STK32A: variants seen among roughly 807,000 people sequenced by gnomAD.
STK32A encodes serine/threonine-protein kinase 32A.
In STK32A, 41 loss-of-function variants were observed where a neutral mutation model predicts 53.2. The observed-to-expected ratio is 0.77, with a 90% CI of 0.60 to 1.00. The LOEUF (loss-of-function observed/expected upper bound fraction) is 1.00. Among genes scored for constraint, STK32A ranks in the 50% least tolerant of loss-of-function variants. STK32A has a pLI of 0.00. For synonymous variants in STK32A, 166 were observed against 162.8 expected, an observed-to-expected ratio of 1.02 and a Z score of -0.15; for missense variants, 458 against 485.8, an observed-to-expected ratio of 0.94 and a Z score of 0.54.
At chr5:147,333,663 C>G (rs892701602) in intron 5 of STK32A, among the ~76,000 whole-genome samples, 5 of 152,288 alleles carry the variant, frequency 3.3e-5, no homozygotes, top group Non-Finnish European at 7.4e-5. Flanking sequence ...TCAATAAATT[C>G]TAGCTACTCA....
At chr5:147,324,268 G>A (rs916098721) in intron 5 of STK32A, among the ~76,000 whole-genome samples, 197 bp downstream of exon 5, 1 of 152,110 alleles carries the variant, frequency 6.6e-6, no homozygotes, top group African/African-American at 2.4e-5. Flanking sequence ...TTTGCCAAAG[G>A]TCACAGTAAA....
chr5:147,348,604 T>G (rs558756278), intron 6 of STK32A: 897 of 717,802 alleles, frequency 1.2e-3, no homozygotes, highest in Non-Finnish European at 2.1e-3. Flanking sequence ...TGTAGCTGAG[T>G]CAGCTTGGAA....
intron 1 of STK32A, among the ~76,000 whole-genome samples, chr5:147,238,338 G>T (rs964926771): frequency 3.9e-5 from 6 of 152,124 alleles, no homozygotes; most frequent in African/African-American, 1.4e-4. Flanking sequence ...TCACTCATTT[G>T]CATCATCTGC....
intron 4 of STK32A, among the ~76,000 whole-genome samples, chr5:147,312,605 C>G (rs1359493386): frequency 6.6e-6 from 1 of 152,052 alleles, no homozygotes; most frequent in East Asian, 1.9e-4. Flanking sequence ...TGCATTTTTT[C>G]TTTGGAAAAG....
At chr5:147,319,139 C>CTTTTTTTTTTTTTTTTTTTTTTTTT in intron 4 of STK32A, among the ~76,000 whole-genome samples, 1 of 100,580 alleles carries the variant, frequency 9.9e-6, no homozygotes, top group Non-Finnish European at 2.0e-5. Context: ...ACAACTGGTA[C>CTTTTTTTTTTTTTTTTTTTTTTTTT]TTTTTTTTTT....
chr5:147,387,315 C>T lies in STK32A; in HGVS notation c.*3332C>T, dbSNP rs1313734878. 6.6e-6 allele frequency: 1 copy of T among 152,244 alleles called. No individual in the cohort carries two copies. Among genetic ancestry groups the T allele is most frequent in the Non-Finnish European group, 1.5e-5 (1 of 68,056 alleles). The allele number at this position is 152,244 out of a possible 1,614,324, so 9.4% of individuals were successfully genotyped here. ...GTTTTGCCTGAGGTCATTGCTAGGGCAGGAATGAACAGCAACCAGCACAGA... is the reference window on the plus strand; with the variant it reads ...GTTTTGCCTGAGGTCATTGCTAGGGTAGGAATGAACAGCAACCAGCACAGA... On this transcript the variant is annotated 3_prime_UTR_variant, in exon 13 of 13. Coordinates refer to ENST00000397936, the MANE Select transcript of STK32A (RefSeq NM_001112724.2).
intron 2 of STK32A, among the ~76,000 whole-genome samples, chr5:147,260,330 A>G (rs1474626436): frequency 8.0e-6 from 1 of 124,352 alleles, no homozygotes; most frequent in Non-Finnish European, 1.6e-5. Context: ...CTCCGTCTCT[A>G]TCTGTCTCAC....
At chr5:147,377,337 G>A (rs1757272509) in intron 11 of STK32A, among the ~76,000 whole-genome samples, 1 of 151,352 alleles carries the variant, frequency 6.6e-6, no homozygotes, top group Non-Finnish European at 1.5e-5. Context: ...TCCTTCCATG[G>A]TTTCCTTTAA....
At chr5:147,307,162 C>T (rs1318087251) in intron 4 of STK32A, among the ~76,000 whole-genome samples, 1 of 151,546 alleles carries the variant, frequency 6.6e-6, no homozygotes, top group Non-Finnish European at 1.5e-5. Context: ...GAAACTTCAC[C>T]AAGAAGTCTT....
the STK32A span, chr5:147,398,974 C>T: frequency 2.1e-6 from 3 of 1,413,604 alleles, no homozygotes; most frequent in Non-Finnish European, 2.9e-6. Flanking sequence ...ATTATTGCAA[C>T]CCGTCCTAGT....
At chr5:147,237,959 T>G (rs1401855684) in intron 1 of STK32A, among the ~76,000 whole-genome samples, 1 of 152,180 alleles carries the variant, frequency 6.6e-6, no homozygotes, top group African/African-American at 2.4e-5. Context: ...AATCAACTAT[T>G]TTTTTAAAAA....
intron 11 of STK32A, among the ~76,000 whole-genome samples, chr5:147,376,933 C>G (rs986987942): frequency 6.6e-6 from 1 of 152,144 alleles, no homozygotes; most frequent in Non-Finnish European, 1.5e-5. Context: ...TGATACCAAA[C>G]TGGACAAAGA....
intron 5 of STK32A, among the ~76,000 whole-genome samples, chr5:147,327,441 G>A (rs939980811): frequency 1.3e-5 from 2 of 152,134 alleles, no homozygotes; most frequent in Admixed American, 6.5e-5. Context: ...TAGATCTCCC[G>A]GACAAGGAGA....
chr5:147,298,036 T>A (rs989788503), intron 4 of STK32A, among the ~76,000 whole-genome samples: 3 of 152,050 alleles, frequency 2.0e-5, no homozygotes, highest in African/African-American at 7.2e-5. Flanking sequence ...TGTCATTCAT[T>A]AGACCTGGTA....
downstream of STK32A, among the ~76,000 whole-genome samples, chr5:147,390,207 G>A (rs561050325): frequency 2.0e-5 from 3 of 152,294 alleles, no homozygotes; most frequent in Non-Finnish European, 2.9e-5. Context: ...GTAGTCAAAA[G>A]CTTGAGAACC....
the STK32A span, chr5:147,399,106 G>A: frequency 5.4e-5 from 87 of 1,613,986 alleles, no homozygotes; most frequent in Admixed American, 1.5e-4. Flanking sequence ...TGGCAGAGAC[G>A]ATCTTCACAG....
At chr5:147,339,763 G>T (rs941823558) in intron 5 of STK32A, among the ~76,000 whole-genome samples, 1 of 152,212 alleles carries the variant, frequency 6.6e-6, no homozygotes, top group Non-Finnish European at 1.5e-5. Flanking sequence ...ATACTGCCCT[G>T]CTGGATTTCA....
chr5:147,360,068 A>AC (rs1211158167), intron 7 of STK32A, among the ~76,000 whole-genome samples: 1 of 152,122 alleles, frequency 6.6e-6, no homozygotes, highest in Non-Finnish European at 1.5e-5. Flanking sequence ...CTAGAAGCCT[A>AC]CCCAATGTTT....
At chr5:147,242,231 A>G (rs57599778) in intron 2 of STK32A, among the ~76,000 whole-genome samples, 62,041 of 151,918 alleles carry the variant, frequency 0.41, 12,812 homozygotes, top group Admixed American at 0.45. Flanking sequence ...GTGCCTCCCA[A>G]AGGTGCTAGG....
Sources: gnomAD v4.1 joint callset for allele counts (sites outside exome capture counted in the v4.1 genomes callset) on GRCh38, gnomAD v4.1.1 for gene constraint, MANE v1.5 for transcripts, NCBI Gene and HGNC (gene_info 2026-07-23, HGNC 2026-07-21) for gene names.